The following CNTLN variants were observed in gnomAD, a reference collection of about 807,000 sequenced individuals.
CNTLN encodes centlein, centrosomal protein.
A neutral mutation model predicts 180.0 loss-of-function variants in CNTLN; 212 were observed. That is an observed-to-expected ratio of 1.18 (90% CI 1.05 to 1.32). The LOEUF is 1.32. CNTLN is among the 40% of genes most tolerant of loss of function. The probability of loss-of-function intolerance (pLI) is 0.00; values close to 1 mark genes in which losing one functional copy is unlikely to be tolerated. For missense variants in CNTLN, 2,095 were observed against 1,610.9 expected (o/e 1.30, Z -5.14); for synonymous variants, 722 against 563.1 (o/e 1.28, Z -3.99).
chr9:17,311,170 G>A (rs1475764631), intron 8 of CNTLN, among the ~76,000 whole-genome samples: 3 of 151,598 alleles, frequency 2.0e-5, no homozygotes, highest in Non-Finnish European at 2.9e-5. Context: ...GATTATAGGC[G>A]CCTGCCACCA....
intron 6 of CNTLN, among the ~76,000 whole-genome samples, chr9:17,291,515 A>G (rs1347069743): frequency 1.3e-5 from 2 of 152,282 alleles, no homozygotes; most frequent in Admixed American, 1.3e-4. Flanking sequence ...TATATTTAGG[A>G]TAGTTAGCAG....
chr9:17,192,502 G>T (rs1332458068), intron 2 of CNTLN, among the ~76,000 whole-genome samples: 3 of 150,010 alleles, frequency 2.0e-5, no homozygotes. Context: ...CTCCCAAAGT[G>T]CTGGGATTAC....
At chr9:17,461,391 G>A (rs1386180143) in intron 19 of CNTLN, among the ~76,000 whole-genome samples, 4 of 151,574 alleles carry the variant, frequency 2.6e-5, no homozygotes, top group African/African-American at 7.3e-5. Context: ...CACTGTAAAC[G>A]TGCAAAATAT....
chr9:17,383,912 A>G (rs1227922485), intron 13 of CNTLN, among the ~76,000 whole-genome samples: 1 of 152,192 alleles, frequency 6.6e-6, no homozygotes, highest in Admixed American at 6.5e-5. Flanking sequence ...TACTGAGATT[A>G]CAGGCGTGAG....
At chr9:17,291,344 C>G (rs182581526) in intron 6 of CNTLN, among the ~76,000 whole-genome samples, 1 of 152,202 alleles carries the variant, frequency 6.6e-6, no homozygotes, top group East Asian at 1.9e-4. Context: ...GAGCTTAGTT[C>G]ATGTCCTGAA....
chr9:17,371,172 T>C (rs1464501792), intron 13 of CNTLN, among the ~76,000 whole-genome samples: 1 of 152,038 alleles, frequency 6.6e-6, no homozygotes, highest in East Asian at 1.9e-4. Flanking sequence ...GTAATCAAAA[T>C]ACACAGAGTA....
chr9:17,372,573 C>G (rs534728537), intron 13 of CNTLN, among the ~76,000 whole-genome samples: 1 of 152,148 alleles, frequency 6.6e-6, no homozygotes. Flanking sequence ...TCCAATCCTA[C>G]TCAAGCTATT....
intron 12 of CNTLN, among the ~76,000 whole-genome samples, chr9:17,350,828 A>C (rs1020723421): frequency 6.6e-6 from 1 of 152,092 alleles, no homozygotes; most frequent in Non-Finnish European, 1.5e-5. Flanking sequence ...CTATCATCAC[A>C]TTAGGGGTTA....
intron 2 of CNTLN, among the ~76,000 whole-genome samples, chr9:17,211,885 C>A (rs145296862): frequency 1.3e-5 from 2 of 152,008 alleles, no homozygotes. Flanking sequence ...AGAATGCTTG[C>A]GATTTTTGCA....
At chr9:17,435,559 C>CTT (rs35562399) in intron 18 of CNTLN, among the ~76,000 whole-genome samples, 6 of 144,160 alleles carry the variant, frequency 4.2e-5, no homozygotes, top group Non-Finnish European at 7.6e-5. Flanking sequence ...AAGAGTGGCT[C>CTT]TTTTTTTTTT....
intron 13 of CNTLN, among the ~76,000 whole-genome samples, chr9:17,387,484 T>C (rs1825769396): frequency 6.6e-6 from 1 of 152,170 alleles, no homozygotes; most frequent in South Asian, 2.1e-4. Context: ...ATGACTTTGT[T>C]TTTTCTTTAA....
intron 25 of CNTLN, among the ~76,000 whole-genome samples, chr9:17,493,568 A>G (rs1014122021): frequency 6.6e-6 from 1 of 152,132 alleles, no homozygotes; most frequent in East Asian, 1.9e-4. Context: ...AGCCCATCCT[A>G]TGTCACCTCA....
chr9:17,358,771 A>G (rs1371071800), intron 12 of CNTLN, among the ~76,000 whole-genome samples: 1 of 152,214 alleles, frequency 6.6e-6, no homozygotes, highest in Non-Finnish European at 1.5e-5. Context: ...TGCTCACTAC[A>G]GCATTGTTTG....
Position 17,135,232 on chromosome 9 carries a change from T to A in CNTLN, c.167T>A (p.Ile56Asn), listed in dbSNP as rs374436731. 2.1e-5 allele frequency: 34 copies of A among 1,609,106 alleles called. No individual in the cohort carries two copies. In the African/African-American group the frequency reaches 4.3e-4, roughly 20 times the overall value. Reference sequence around the variant, plus strand: ...GTGGTCGCGGACGAAAGTGATAAAATCTGGGTGGGTGAAGAAGGGTCAGGG... The same window carrying A: ...GTGGTCGCGGACGAAAGTGATAAAAACTGGGTGGGTGAAGAAGGGTCAGGG... ...REVVADESDK[I>N]WVGEEGSGGR... is the part of the protein sequence containing the mutation. The change falls in exon 1 of 26, where the codon ATC becomes AAC. Residue 56 changes from isoleucine to asparagine, a missense_variant. Ile to Asn is a moderately radical substitution (Grantham distance 149). Transcript: ENST00000380647.
At chr9:17,491,340 T>C (rs1382111907) in intron 25 of CNTLN, among the ~76,000 whole-genome samples, 1 of 152,110 alleles carries the variant, frequency 6.6e-6, no homozygotes, top group Non-Finnish European at 1.5e-5. Flanking sequence ...TTTACACTTC[T>C]GGGGACGGAG....
In CNTLN at chr9:17,394,650, A is replaced by G. The variant is rs16935601; in HGVS notation, c.2196A>G (p.Gln732=). The G allele has an allele frequency of 2.2e-3, 3,619 of 1,611,774 alleles. 82 individuals carry two copies. The African/African-American group carries it at 0.042, about 19-fold the overall frequency. ...NDFLKSLLKQ[Q]QEDTETREKE... is the part of the protein sequence containing the mutation. ...TTCTGAAATCCCTCTTAAAACAGCA[A>G]CAAGAAGATACAGAGACCAGAGAAA... The change falls in exon 15 of 26, where the codon CAA becomes CAG. Residue 732 remains glutamine, a synonymous_variant. Coordinates refer to ENST00000380647, the MANE Select transcript of CNTLN (RefSeq NM_017738.4).
intron 13 of CNTLN, among the ~76,000 whole-genome samples, chr9:17,369,454 C>G (rs941854510): frequency 2.6e-5 from 4 of 151,902 alleles, no homozygotes; most frequent in African/African-American, 9.7e-5. Flanking sequence ...ACTGCAGAAA[C>G]AGATATGTAG....
chr9:17,193,753 C>T (rs532077827), intron 2 of CNTLN, among the ~76,000 whole-genome samples: 169 of 152,294 alleles, frequency 1.1e-3, no homozygotes, highest in Non-Finnish European at 2.0e-3. Flanking sequence ...CACTAGGCAT[C>T]GCCCTAGTAG....
intron 25 of CNTLN, among the ~76,000 whole-genome samples, chr9:17,498,276 A>G (rs571833447): frequency 3.3e-5 from 5 of 152,136 alleles, no homozygotes; most frequent in African/African-American, 7.2e-5. Flanking sequence ...AAGCTCTGCT[A>G]TTTTTCTAAG....
Sources: allele counts gnomAD v4.1 joint callset (sites outside exome capture counted in the v4.1 genomes callset), GRCh38; gene constraint gnomAD v4.1.1; transcripts MANE v1.5; gene names NCBI Gene and HGNC (gene_info 2026-07-23, HGNC 2026-07-21).